The following ALS2 variants were observed in gnomAD, a reference collection of about 807,000 sequenced individuals.
The protein encoded by ALS2 is alsin.
Under a neutral mutation model 203.4 loss-of-function variants are expected in ALS2, and 117 were observed. That is an observed-to-expected ratio of 0.58 (90% CI 0.50 to 0.67). The LOEUF is 0.67. Ranked by LOEUF, ALS2 falls within the 30% of genes least tolerant of loss-of-function variation. The pLI is 0.00. For missense variants in ALS2, 1,715 were observed against 1,989.4 expected (o/e 0.86, Z 2.62); for synonymous variants, 718 against 725.9 (o/e 0.99, Z 0.17).
At chr2:201,703,435 T>C (rs1487032791) in intron 33 of ALS2, among the ~76,000 whole-genome samples, 1 of 152,246 alleles carries the variant, frequency 6.6e-6, no homozygotes, top group Admixed American at 6.5e-5. Flanking sequence ...CCTTTCTATT[T>C]AGGTAATTGT....
At chr2:201,768,802 CAT>C in intron 2 of ALS2, 62 bp downstream of exon 2, 1 of 1,473,624 alleles carries the variant, frequency 6.8e-7, no homozygotes, top group Non-Finnish European at 9.5e-7. Context: ...AGAAGCTACA[CAT>C]ATGTGAAGCT....
chr2:201,752,672 TA>T (rs918062011), intron 7 of ALS2, among the ~76,000 whole-genome samples: 6 of 151,694 alleles, frequency 4.0e-5, no homozygotes, highest in Non-Finnish European at 5.9e-5. Context: ...AGTCTGGGTT[TA>T]AAAAAAAACT....
At chr2:201,733,815 G>A (rs944508722) in intron 12 of ALS2, among the ~76,000 whole-genome samples, 10 of 152,208 alleles carry the variant, frequency 6.6e-5, no homozygotes, top group African/African-American at 2.4e-4. Context: ...CTAGGCAGCT[G>A]TGCTAAATAG....
chr2:201,728,170 C>T (rs775355943), intron 15 of ALS2, among the ~76,000 whole-genome samples: 14 of 152,092 alleles, frequency 9.2e-5, no homozygotes, highest in East Asian at 1.9e-4. Flanking sequence ...TATGTATACA[C>T]GTGCCATGTT....
At chr2:201,728,360 C>T (rs1223868068) in intron 15 of ALS2, 152 bp downstream of exon 15, 17 of 1,093,050 alleles carry the variant, frequency 1.6e-5, no homozygotes, top group Non-Finnish European at 2.7e-6. Flanking sequence ...GTTTTTTGTC[C>T]TTGCTATAGT....
chr2:201,763,514 G>A (rs1004812001), intron 3 of ALS2: 2 of 296,546 alleles, frequency 6.7e-6, no homozygotes, highest in Admixed American at 3.9e-5. Context: ...TGGCCACCTC[G>A]TCAAGACCCA....
chr2:201,700,502 C>T lies in ALS2; in HGVS notation c.*1349G>A, dbSNP rs901767406. 2 of 152,654 alleles carry T rather than the reference C, an allele frequency of 1.3e-5. No homozygotes were observed. The highest frequency in any genetic ancestry group is 1.5e-5 in the Non-Finnish European group (1 of 68,034). The allele number at this position is 152,654 out of a possible 1,614,324, so 9.5% of individuals were successfully genotyped here. A position where few individuals can be genotyped will look rare whatever the true frequency, so the allele number is the denominator to read the frequency against. ...GAAATACTAAGTCTGGGTTTCCTTT[C>T]ATCTTTTAGGCTGCCCTGTTCATTT... On this transcript the variant is annotated 3_prime_UTR_variant, in exon 34 of 34. Coordinates refer to ENST00000264276, the MANE Select transcript of ALS2 (RefSeq NM_020919.4).
At position 201,761,304 on chromosome 2, in the gene ALS2, T is replaced by C. The variant is rs1304097208; in HGVS notation, c.690A>G (p.Glu230=). Reference sequence around the variant, plus strand: ...AGAGCTGGCTGCACTGGTTGCATCGTTCTGGGACTGGCTTCAGATCCTGGG... The same window carrying C: ...AGAGCTGGCTGCACTGGTTGCATCGCTCTGGGACTGGCTTCAGATCCTGGG... The part of the protein sequence containing the change: ...LPSQDLKPVP[E]RCNQCSQLLI... The change falls in exon 4 of 34, where the codon GAA becomes GAG. Residue 230 remains glutamate (E), a synonymous_variant. Transcript: ENST00000264276. 2 of 1,614,136 alleles carry C rather than the reference T, an allele frequency of 1.2e-6. No individual in the cohort carries two copies. Among genetic ancestry groups the C allele is most frequent in the Non-Finnish European group, 1.7e-6 (2 of 1,180,034 alleles).
chr2:201,711,242 C>T, intron 25 of ALS2, 134 bp from the exon 26 acceptor site: 1 of 648,298 alleles, frequency 1.5e-6, no homozygotes, highest in South Asian at 1.7e-5. Flanking sequence ...CCAACGAACT[C>T]AGAAATCATC....
chr2:201,772,062 C>T (rs1242774286), intron 1 of ALS2, among the ~76,000 whole-genome samples: 3 of 152,302 alleles, frequency 2.0e-5, no homozygotes, highest in Non-Finnish European at 4.4e-5. Flanking sequence ...AAGCATACCA[C>T]TCTATCCTTC....
intron 1 of ALS2, among the ~76,000 whole-genome samples, chr2:201,776,278 C>CT (rs1559096231): frequency 6.6e-6 from 1 of 152,036 alleles, no homozygotes; most frequent in Admixed American, 6.6e-5. Context: ...ACTTTACAGT[C>CT]TTTTTTTAAT....
intron 28 of ALS2, among the ~76,000 whole-genome samples, chr2:201,707,290 G>T (rs572367910): frequency 6.6e-6 from 1 of 152,214 alleles, no homozygotes; most frequent in South Asian, 2.1e-4. Context: ...TTTCTCTGAG[G>T]TTATTCTAGG....
chr2:201,716,350 C>G (rs558939873), intron 24 of ALS2, among the ~76,000 whole-genome samples: 3 of 151,990 alleles, frequency 2.0e-5, no homozygotes, highest in Non-Finnish European at 1.5e-5. Flanking sequence ...TCAAGACCAG[C>G]CAGGCCAACA....
In ALS2 at chr2:201,708,023, T is replaced by C. The variant is rs765399760; in HGVS notation, c.4281-32A>G. ...AAGAATAAAAAATATAATTATACAA[T>C]TATACCTCTAGGGGGGTTGAAAAGC... is the stretch of plus-strand genomic sequence containing the variant. On this transcript the variant is annotated intron_variant, in intron 27 of 33. Transcript: ENST00000264276. The C allele has an allele frequency of 1.9e-6, 3 of 1,597,308 alleles. No individual in the cohort carries two copies. In the South Asian group the frequency reaches 3.3e-5, roughly 18 times the overall value.
intron 11 of ALS2, among the ~76,000 whole-genome samples, chr2:201,739,743 CAA>C (rs539359528): frequency 3.3e-4 from 22 of 66,378 alleles, no homozygotes; most frequent in Admixed American, 3.3e-4. Flanking sequence ...AACTCCAGCT[CAA>C]AAAAAAAAAA....
chr2:201,771,999 A>T (rs1236985873), intron 1 of ALS2, among the ~76,000 whole-genome samples: 2 of 152,228 alleles, frequency 1.3e-5, no homozygotes, highest in Non-Finnish European at 2.9e-5. Context: ...CCGTAAAATG[A>T]GCAAACCAGA....
chr2:201,715,901 C>T, intron 24 of ALS2, 62 bp from the exon 25 acceptor site: 1 of 1,588,928 alleles, frequency 6.3e-7, no homozygotes, highest in Non-Finnish European at 8.6e-7. Context: ...TTCCAAAGAA[C>T]AGAAACTTTC....
At chr2:201,720,339 C>T (rs1690687164) in intron 23 of ALS2, among the ~76,000 whole-genome samples, 1 of 151,878 alleles carries the variant, frequency 6.6e-6, no homozygotes, top group Admixed American at 6.6e-5. Context: ...ATATAATACA[C>T]CATATTAGTA....
chr2:201,700,658 C>T lies in ALS2; in HGVS notation c.*1193G>A, dbSNP rs998955919. 3 of 152,598 alleles carry T rather than the reference C, an allele frequency of 2.0e-5. No individual in the cohort carries two copies. The highest frequency in any genetic ancestry group is 2.9e-5 in the Non-Finnish European group (2 of 68,024). 9.5% of individuals were successfully genotyped at this position (152,598 alleles called of 1,614,324 possible). On this transcript the variant is annotated 3_prime_UTR_variant, in exon 34 of 34. Coordinates refer to ENST00000264276, the MANE Select transcript of ALS2 (RefSeq NM_020919.4). ...TCTTGATTATAAAGTAGAGCAAAAA[C>T]CATGATCCTTTTTCAAAAGTAATTA...
Sources: gnomAD v4.1 joint callset for allele counts (sites outside exome capture counted in the v4.1 genomes callset) on GRCh38, gnomAD v4.1.1 for gene constraint, MANE v1.5 for transcripts, NCBI Gene and HGNC (gene_info 2026-07-23, HGNC 2026-07-21) for gene names.